Variants in SMYD2 observed in about 807,000 individuals in gnomAD.
The protein encoded by SMYD2 is N-lysine methyltransferase SMYD2.
Under a neutral mutation model 59.1 loss-of-function variants are expected in SMYD2, and 53 were observed. The ratio of observed to expected loss-of-function variants is 0.90; its 90% CI spans 0.72 to 1.13. SMYD2 has a LOEUF of 1.13. Among genes scored for constraint, SMYD2 ranks in the 50% most tolerant of loss-of-function variants. The pLI, the probability that SMYD2 is intolerant of heterozygous loss-of-function variation, is 0.00. For synonymous variants in SMYD2, 208 were observed against 198.8 expected (o/e 1.05, Z -0.39); for missense variants, 494 against 544.7 (o/e 0.91, Z 0.93).
chr1:214,326,630 T>TAGC (rs1657268005), intron 6 of SMYD2, among the ~76,000 whole-genome samples: 1 of 152,186 alleles, frequency 6.6e-6, no homozygotes. Flanking sequence ...CTTAGGCCTT[T>TAGC]AGCAGCCAGG....
At chr1:214,320,839 T>C (rs1657161745) in intron 5 of SMYD2, among the ~76,000 whole-genome samples, 1 of 152,212 alleles carries the variant, frequency 6.6e-6, no homozygotes, top group Non-Finnish European at 1.5e-5. Context: ...AAAAGACCTT[T>C]CTAATTTTCA....
rs950991483 is a variant in SMYD2 at position 214,318,705 on chromosome 1, A to T, written c.410-154A>T. On this transcript the variant is annotated intron_variant, in intron 4 of 11. Coordinates refer to ENST00000366957, the MANE Select transcript of SMYD2 (RefSeq NM_020197.3). This position sits in a 1 kb window ranked among gnomAD's most constrained non-coding sequence, Gnocchi z 5.4. ...TAGGGTTTGTCAGTTAAACCAAGTA[A>T]TGGGGAAGAATGTTCTCTGGGGGTT... Among the ~76,000 whole-genome samples, 2 of 151,352 alleles carry T rather than the reference A, an allele frequency of 1.3e-5. No homozygotes were observed. Among genetic ancestry groups the T allele is most frequent in the African/African-American group, 4.9e-5 (2 of 41,196 alleles).
intron 6 of SMYD2, among the ~76,000 whole-genome samples, chr1:214,326,005 C>T (rs978366125): frequency 6.6e-5 from 10 of 151,556 alleles, no homozygotes; most frequent in African/African-American, 1.7e-4. Context: ...TTTGGGAGGC[C>T]GAAGCGGGCA....
intron 1 of SMYD2, among the ~76,000 whole-genome samples, chr1:214,284,338 A>G (rs10429966): frequency 0.94 from 134,179 of 143,402 alleles, 62,853 homozygotes; most frequent in East Asian, 1. Context: ...TCAGCTCACC[A>G]CAACCTCCAC....
intron 1 of SMYD2, among the ~76,000 whole-genome samples, chr1:214,301,055 C>T (rs150280464): frequency 6.6e-6 from 1 of 152,230 alleles, no homozygotes; most frequent in East Asian, 1.9e-4. Flanking sequence ...TGAGAAATAT[C>T]TTCCAAAACA....
chr1:214,329,660 GC>G (rs922533120), intron 7 of SMYD2, among the ~76,000 whole-genome samples: 8 of 152,206 alleles, frequency 5.3e-5, no homozygotes, highest in Non-Finnish European at 1.0e-4. Context: ...GTGGGTCCCA[GC>G]CCACTGAGTG....
intron 9 of SMYD2, chr1:214,331,476 TTAAG>T: frequency 5.2e-6 from 1 of 193,592 alleles, no homozygotes; most frequent in South Asian, 1.1e-4. Flanking sequence ...CTGATAGATA[TTAAG>T]TAATTTGCCC....
intron 1 of SMYD2, among the ~76,000 whole-genome samples, chr1:214,291,503 C>G (rs749026005): frequency 6.6e-6 from 1 of 152,220 alleles, no homozygotes; most frequent in Non-Finnish European, 1.5e-5. Context: ...TTAGCTCATA[C>G]CCTTTTGTCC....
chr1:214,327,194 A>G (rs1242860097), intron 6 of SMYD2, among the ~76,000 whole-genome samples: 1 of 152,258 alleles, frequency 6.6e-6, no homozygotes, highest in African/African-American at 2.4e-5. Flanking sequence ...GCATTTCTCA[A>G]CATCTGAAAA....
chr1:214,298,410 G>A (rs12136717), intron 1 of SMYD2, among the ~76,000 whole-genome samples: 10,342 of 152,134 alleles, frequency 0.068, 500 homozygotes, highest in Non-Finnish European at 0.1. Context: ...AACTCAAGAT[G>A]GATTAAATAT....
At chr1:214,290,677 C>T (rs1386327267) in intron 1 of SMYD2, among the ~76,000 whole-genome samples, 2 of 152,070 alleles carry the variant, frequency 1.3e-5, no homozygotes, top group Non-Finnish European at 2.9e-5. Context: ...GGCTTGAAGA[C>T]CTGAATGTAT....
intron 2 of SMYD2, among the ~76,000 whole-genome samples, chr1:214,310,503 A>ATT (rs10699247): frequency 0.14 from 19,550 of 136,290 alleles, 2,380 homozygotes; most frequent in African/African-American, 0.33. Flanking sequence ...TATTTTATTA[A>ATT]TTTTTTTTTT....
rs574276669 is a variant in SMYD2, at chr1:214,312,053, G to A, written c.238-2709G>A. Among the ~76,000 whole-genome samples the A allele has an allele frequency of 8.5e-5, 13 of 152,214 alleles. No homozygotes were observed. The South Asian group carries it at 1.0e-3, about 12-fold the overall frequency. On this transcript the variant is annotated intron_variant, in intron 2 of 11. Coordinates refer to ENST00000366957, the MANE Select transcript of SMYD2 (RefSeq NM_020197.3). The surrounding 1 kb of genome is among the most constrained non-coding windows in gnomAD (Gnocchi z 4.1). The stretch of plus-strand genomic sequence containing the variant: ...CAGACCCACCTGTTCCCACCTCTTC[G>A]CCTCATCACCATGCTCTCATTTTAG...
intron 11 of SMYD2, among the ~76,000 whole-genome samples, chr1:214,335,363 TTAAG>T (rs1417392725): frequency 6.6e-6 from 1 of 152,188 alleles, no homozygotes; most frequent in Non-Finnish European, 1.5e-5. Flanking sequence ...TGTCAGGTGA[TTAAG>T]TAATAGATCA....
At chr1:214,335,292 T>C (rs1231344226) in intron 11 of SMYD2, among the ~76,000 whole-genome samples, 1 of 152,244 alleles carries the variant, frequency 6.6e-6, no homozygotes, top group Non-Finnish European at 1.5e-5. Context: ...CAAAATTTTC[T>C]GTTTTAAACC....
intron 1 of SMYD2, among the ~76,000 whole-genome samples, chr1:214,284,149 C>G (rs2102450338): frequency 6.6e-6 from 1 of 151,602 alleles, no homozygotes; most frequent in Non-Finnish European, 1.5e-5. Context: ...AGTTTTTCCA[C>G]TTGGAAGCTG....
rs531425979 is a variant in SMYD2, at chr1:214,336,362, G to C, written c.1222-342G>C. On this transcript the variant is annotated intron_variant, in intron 11 of 11. Transcript: ENST00000366957. ...CCTGGCTAACACAGTGAAACCCCGTGTCTACTAAAAATACAAAAAATTAGC... is the reference window on the plus strand; with the variant it reads ...CCTGGCTAACACAGTGAAACCCCGTCTCTACTAAAAATACAAAAAATTAGC... Among the ~76,000 whole-genome samples the C allele has an allele frequency of 3.9e-4, 60 of 152,148 alleles. 1 individual carries two copies. In the South Asian group the frequency reaches 0.012, roughly 30 times the overall value.
intron 1 of SMYD2, among the ~76,000 whole-genome samples, chr1:214,284,128 ATAT>A (rs1656492403): frequency 6.6e-6 from 1 of 152,078 alleles, no homozygotes; most frequent in African/African-American, 2.4e-5. Context: ...GCTCCTAATA[ATAT>A]TATATAAAGT....
At chr1:214,314,722 A>T in intron 2 of SMYD2, 40 bp from the exon 3 acceptor site, 1 of 1,455,240 alleles carries the variant, frequency 6.9e-7, no homozygotes, top group Non-Finnish European at 9.6e-7. Context: ...ATTCCAGTGT[A>T]TGTGCTATTT....
Sources: gnomAD v4.1 joint callset for allele counts (sites outside exome capture counted in the v4.1 genomes callset) on GRCh38, gnomAD v4.1.1 for gene constraint, Gnocchi (gnomAD v3.1) non-coding constraint, MANE v1.5 for transcripts, NCBI Gene and HGNC (gene_info 2026-07-23, HGNC 2026-07-21) for gene names.